Variants in LTAP1 observed in about 807,000 individuals in gnomAD.
The protein encoded by LTAP1 is HCV NS5A-transactivated protein 4.
At chr1:154,217,786 C>T in the LTAP1 span, among the ~76,000 whole-genome samples, 1 of 151,978 alleles carries the variant, frequency 6.6e-6, no homozygotes, top group Non-Finnish European at 1.5e-5. Context: ...CTGGGATTAC[C>T]GGCATGAGCT....
chr1:154,212,737 C>G, the LTAP1 span: 1 of 1,144,414 alleles, frequency 8.7e-7, no homozygotes, highest in Non-Finnish European at 1.3e-6. Flanking sequence ...TCTTGGCTCA[C>G]TGCAACCTCC....
At chr1:154,213,242 G>C in the LTAP1 span, 68 of 152,868 alleles carry the variant, frequency 4.4e-4, no homozygotes, top group African/African-American at 1.6e-3. Context: ...AGGAGGTGGA[G>C]GTTGTGGTGA....
At chr1:154,214,421 C>A in the LTAP1 span, 3 of 1,347,748 alleles carry the variant, frequency 2.2e-6, no homozygotes, top group African/African-American at 2.9e-5. Flanking sequence ...ACTTGTGGGA[C>A]TCCTCACTGA....
At chr1:154,209,832 C>T in the LTAP1 span, among the ~76,000 whole-genome samples, 19 of 152,060 alleles carry the variant, frequency 1.2e-4, no homozygotes, top group Middle Eastern at 6.8e-3. Flanking sequence ...TTTCATGAAC[C>T]GCCCGCCTCG....
chr1:154,208,310 C>T, the LTAP1 span, among the ~76,000 whole-genome samples: 13 of 152,092 alleles, frequency 8.5e-5, 1 homozygote, highest in African/African-American at 2.9e-4. Flanking sequence ...GCAGGAGGAT[C>T]GCTTGAACCC....
the LTAP1 span, chr1:154,212,503 A>T: frequency 4.2e-5 from 67 of 1,614,192 alleles, no homozygotes; most frequent in Middle Eastern, 3.3e-4. Flanking sequence ...AAAGGGTATC[A>T]ATGAGTGCTT....
At chr1:154,220,462 C>G in the LTAP1 span, 2 of 1,608,082 alleles carry the variant, frequency 1.2e-6, no homozygotes, top group Non-Finnish European at 1.7e-6. Flanking sequence ...CCTGGCTGGT[C>G]AGCCCAGGCT....
At chr1:154,216,187 C>T in the LTAP1 span, among the ~76,000 whole-genome samples, 3 of 152,096 alleles carry the variant, frequency 2.0e-5, no homozygotes, top group East Asian at 5.8e-4. Flanking sequence ...GAATGCTCCG[C>T]ACCCCAAACC....
At chr1:154,212,534 G>T in the LTAP1 span, 1 of 1,614,154 alleles carries the variant, frequency 6.2e-7, no homozygotes. Context: ...CTTGAAAGGC[G>T]TACTAGTGTT....
chr1:154,211,878 C>CAA, the LTAP1 span: 2 of 153,826 alleles, frequency 1.3e-5, no homozygotes, highest in African/African-American at 4.9e-5. Context: ...TTTTTTGAGA[C>CAA]AGAGTTTCAC....
At chr1:154,219,534 C>T in the LTAP1 span, among the ~76,000 whole-genome samples, 2 of 152,326 alleles carry the variant, frequency 1.3e-5, no homozygotes, top group South Asian at 4.1e-4. Context: ...AAACAAAAAA[C>T]ACTGGGTAGT....
At chr1:154,217,542 G>A in the LTAP1 span, among the ~76,000 whole-genome samples, 316 of 151,526 alleles carry the variant, frequency 2.1e-3, 2 homozygotes, top group African/African-American at 6.7e-3. Flanking sequence ...TGGTTTTTTT[G>A]TTTTTGGTGA....
At chr1:154,214,634 T>C in the LTAP1 span, 2 of 1,071,530 alleles carry the variant, frequency 1.9e-6, no homozygotes, top group Non-Finnish European at 2.8e-6. Flanking sequence ...TCCACCAATG[T>C]GAAAATGGGG....
the LTAP1 span, among the ~76,000 whole-genome samples, chr1:154,218,222 GGAGA>G: frequency 6.6e-6 from 1 of 152,336 alleles, no homozygotes; most frequent in East Asian, 1.9e-4. Flanking sequence ...CTCTATGGTA[GGAGA>G]GAAACTGTTG....
chr1:154,220,487 G>C, the LTAP1 span: 3 of 1,540,486 alleles, frequency 1.9e-6, no homozygotes, highest in Non-Finnish European at 2.7e-6. Context: ...CGAAGCGACG[G>C]CGCCTGGGTC....
the LTAP1 span, among the ~76,000 whole-genome samples, chr1:154,209,729 G>A: frequency 6.6e-6 from 1 of 151,824 alleles, no homozygotes; most frequent in Non-Finnish European, 1.5e-5. Flanking sequence ...TGGGACTACA[G>A]GCACCCGCCA....
At chr1:154,219,622 A>T in the LTAP1 span, among the ~76,000 whole-genome samples, 2 of 152,248 alleles carry the variant, frequency 1.3e-5, no homozygotes, top group Non-Finnish European at 2.9e-5. Flanking sequence ...AGATACAAAA[A>T]CAGAAGTTCC....
the LTAP1 span, chr1:154,212,443 A>T: frequency 3.9e-5 from 63 of 1,614,108 alleles, 1 homozygote; most frequent in East Asian, 1.2e-3. Context: ...TGCCCCGAAG[A>T]AAAAACTGGC....
chr1:154,218,367 T>G, the LTAP1 span, among the ~76,000 whole-genome samples: 1 of 152,232 alleles, frequency 6.6e-6, no homozygotes, highest in African/African-American at 2.4e-5. Flanking sequence ...AAAGGAATAT[T>G]GCTCTGAACT....
Sources: allele counts gnomAD v4.1 joint callset (sites outside exome capture counted in the v4.1 genomes callset), GRCh38; gene constraint gnomAD v4.1.1; transcripts MANE v1.5; gene names NCBI Gene and HGNC (gene_info 2026-07-23, HGNC 2026-07-21).